Variants in CNKSR3 observed in about 807,000 individuals in gnomAD.
CNKSR3 encodes the protein CNKSR family member 3.
In CNKSR3, 36 loss-of-function variants were observed where a neutral mutation model predicts 67.7. That is an observed-to-expected ratio of 0.53 (90% CI 0.41 to 0.70). The LOEUF (loss-of-function observed/expected upper bound fraction) is 0.70, where lower values mean the gene tolerates loss of function less well. CNKSR3 is among the 30% of genes least tolerant of loss of function. The pLI is 0.00. For missense variants in CNKSR3, 630 were observed against 695.2 expected (o/e 0.91, Z 1.05); for synonymous variants, 281 against 271.4 (o/e 1.04, Z -0.35).
At chr6:154,502,312 C>A (rs1787014507) in intron 1 of CNKSR3, among the ~76,000 whole-genome samples, 1 of 151,470 alleles carries the variant, frequency 6.6e-6, no homozygotes, top group Non-Finnish European at 1.5e-5. Flanking sequence ...CTGCCTCAGT[C>A]TCCTGAGTAG....
At chr6:154,505,160 T>C (rs2114663707) in intron 1 of CNKSR3, among the ~76,000 whole-genome samples, 1 of 151,668 alleles carries the variant, frequency 6.6e-6, no homozygotes. Context: ...GTCTGGACGG[T>C]GGCAGGAAGG....
chr6:154,407,508 A>T (rs1375854395), intron 12 of CNKSR3, among the ~76,000 whole-genome samples: 1 of 152,090 alleles, frequency 6.6e-6, no homozygotes, highest in East Asian at 1.9e-4. Context: ...TTTTATGCTT[A>T]TTTTTATTTT....
intron 1 of CNKSR3, among the ~76,000 whole-genome samples, chr6:154,488,764 A>G (rs1786726632): frequency 6.6e-6 from 1 of 152,256 alleles, no homozygotes; most frequent in Admixed American, 6.5e-5. Context: ...TCATATACTC[A>G]GAAATCATGA....
chr6:154,486,364 C>T (rs1388831736), intron 1 of CNKSR3, among the ~76,000 whole-genome samples: 6 of 151,122 alleles, frequency 4.0e-5, no homozygotes, highest in African/African-American at 7.3e-5. Flanking sequence ...CGTGCGATCT[C>T]GGCTCATGGC....
chr6:154,465,581 C>T (rs531735845), intron 1 of CNKSR3, among the ~76,000 whole-genome samples: 5 of 152,330 alleles, frequency 3.3e-5, no homozygotes, highest in Admixed American at 2.0e-4. Context: ...AGGGGACTCA[C>T]ATTCTCACTG....
intron 9 of CNKSR3, among the ~76,000 whole-genome samples, chr6:154,418,713 A>G (rs1785072921): frequency 6.6e-6 from 1 of 152,230 alleles, no homozygotes; most frequent in Non-Finnish European, 1.5e-5. Context: ...ACCAATGCCA[A>G]CAGAAACAGC....
chr6:154,484,459 G>A (rs533695822), intron 1 of CNKSR3, among the ~76,000 whole-genome samples: 88 of 152,080 alleles, frequency 5.8e-4, no homozygotes, highest in African/African-American at 1.8e-3. Context: ...TAATCCCAAC[G>A]CTTTGGCAGG....
intron 7 of CNKSR3, among the ~76,000 whole-genome samples, chr6:154,424,382 G>T (rs1422707297): frequency 1.3e-5 from 2 of 152,314 alleles, no homozygotes; most frequent in African/African-American, 2.4e-5. Flanking sequence ...AAGAGAAGAA[G>T]AAAAGATAAA....
intron 7 of CNKSR3, among the ~76,000 whole-genome samples, chr6:154,424,538 C>T (rs1008658109): frequency 6.6e-6 from 1 of 152,164 alleles, no homozygotes; most frequent in Non-Finnish European, 1.5e-5. Context: ...CAATGAGACC[C>T]AAGACACACT....
intron 1 of CNKSR3, among the ~76,000 whole-genome samples, chr6:154,498,012 C>T (rs1319813070): frequency 6.6e-6 from 1 of 152,172 alleles, no homozygotes; most frequent in Admixed American, 6.5e-5. Flanking sequence ...TATATAGCCA[C>T]TATGGGGAGG....
chr6:154,477,192 A>C (rs182383739), intron 1 of CNKSR3, among the ~76,000 whole-genome samples: 1 of 152,360 alleles, frequency 6.6e-6, no homozygotes, highest in East Asian at 1.9e-4. Context: ...CAGATTTTTC[A>C]ATCACTGAAC....
chr6:154,437,193 G>T (rs1175427230), intron 4 of CNKSR3, among the ~76,000 whole-genome samples: 1 of 152,050 alleles, frequency 6.6e-6, no homozygotes, highest in Non-Finnish European at 1.5e-5. Flanking sequence ...AGGAATAAAT[G>T]GCAAAGACAG....
At chr6:154,456,976 A>G (rs1785973830) in intron 1 of CNKSR3, among the ~76,000 whole-genome samples, 1 of 152,148 alleles carries the variant, frequency 6.6e-6, no homozygotes, top group South Asian at 2.1e-4. Context: ...TGGGGGGTAC[A>G]TTTACACCTG....
At chr6:154,447,285 G>A (rs951666656) in intron 2 of CNKSR3, among the ~76,000 whole-genome samples, 3 of 152,132 alleles carry the variant, frequency 2.0e-5, no homozygotes, top group Non-Finnish European at 4.4e-5. Context: ...TACTTGAAGT[G>A]TTGCTAGTAC....
rs375084512 is a variant in CNKSR3, at chr6:154,406,420, C to T, written c.1602G>A (p.Lys534=). Residue 534 remains lysine (K), a synonymous_variant, in exon 13 of 13, where the codon AAG becomes AAA. Coordinates refer to ENST00000607772, the MANE Select transcript of CNKSR3 (RefSeq NM_173515.4). ...TKKKSGSSAT[K]SSSTEPSLLV... is the part of the protein sequence containing the mutation. ...GGAGGGACGGTTCTGTGGACGAGGACTTCGTAGCTGAGGAGCCAGATTTCT... is the reference window on the plus strand; with the variant it reads ...GGAGGGACGGTTCTGTGGACGAGGATTTCGTAGCTGAGGAGCCAGATTTCT... 1,172 of 1,614,202 alleles carry T rather than the reference C, an allele frequency of 7.3e-4. 3 individuals are homozygous for T. Among genetic ancestry groups the T allele is most frequent in the South Asian group, 9.1e-4 (83 of 91,084 alleles).
At chr6:154,422,823 T>C in intron 8 of CNKSR3, 92 bp downstream of exon 8, 1 of 1,236,380 alleles carries the variant, frequency 8.1e-7, no homozygotes, top group South Asian at 1.3e-5. Context: ...AAATAGGATA[T>C]AAGCGGCAAA....
chr6:154,491,259 T>C (rs762020376), intron 1 of CNKSR3, among the ~76,000 whole-genome samples: 12 of 152,234 alleles, frequency 7.9e-5, no homozygotes, highest in Non-Finnish European at 1.8e-4. Context: ...GTAGTCTAAA[T>C]GCCTGTTGAT....
At chr6:154,450,030 C>A in intron 2 of CNKSR3, 65 bp downstream of exon 2, 1 of 1,456,338 alleles carries the variant, frequency 6.9e-7, no homozygotes, top group Non-Finnish European at 9.3e-7. Flanking sequence ...CAAACAATGA[C>A]GGCTTAAGAG....
chr6:154,466,399 G>A (rs1426622098), intron 1 of CNKSR3, among the ~76,000 whole-genome samples: 3 of 152,156 alleles, frequency 2.0e-5, no homozygotes, highest in Non-Finnish European at 2.9e-5. Context: ...CTGCCCCACA[G>A]AAACACGCAC....
Sources: allele counts gnomAD v4.1 joint callset (sites outside exome capture counted in the v4.1 genomes callset), GRCh38; gene constraint gnomAD v4.1.1; transcripts MANE v1.5; gene names NCBI Gene and HGNC (gene_info 2026-07-23, HGNC 2026-07-21).